HDAC9: variants seen among roughly 807,000 people sequenced by gnomAD.
The protein encoded by HDAC9 is histone deacetylase 9, also known as MEF-2 interacting transcription repressor (MITR) protein.
Under a neutral mutation model 139.4 loss-of-function variants are expected in HDAC9, and 41 were observed. The observed-to-expected ratio is 0.29, with a 90% CI of 0.23 to 0.38. The LOEUF is 0.38. Among genes scored for constraint, HDAC9 ranks in the 10% least tolerant of loss-of-function variants. The pLI, the probability that HDAC9 is intolerant of heterozygous loss-of-function variation, is 1.00. For synonymous variants in HDAC9, 517 were observed against 476.2 expected (o/e 1.09, Z -1.12); for missense variants, 1,147 against 1,297.0 (o/e 0.88, Z 1.78).
intron 17 of HDAC9, among the ~76,000 whole-genome samples, chr7:18,797,698 A>G (rs1792924690): frequency 6.6e-6 from 1 of 151,832 alleles, no homozygotes; most frequent in Non-Finnish European, 1.5e-5. Flanking sequence ...GTGTGTTGGC[A>G]GGCGCCTGTA....
intron 1 of HDAC9, among the ~76,000 whole-genome samples, chr7:18,306,617 T>C (rs1022174065): frequency 1.3e-5 from 2 of 152,208 alleles, no homozygotes; most frequent in Non-Finnish European, 2.9e-5. Flanking sequence ...GTGGTGCTAT[T>C]CGTGCTGCTG....
chr7:18,693,890 C>G (rs1782846023), intron 12 of HDAC9, among the ~76,000 whole-genome samples: 1 of 152,082 alleles, frequency 6.6e-6, no homozygotes, highest in Admixed American at 6.6e-5. Context: ...CAAACAGAAT[C>G]AAAGTGTAGT....
chr7:18,670,213 A>G (rs1436091652), intron 12 of HDAC9, among the ~76,000 whole-genome samples: 1 of 152,014 alleles, frequency 6.6e-6, no homozygotes, highest in African/African-American at 2.4e-5. Flanking sequence ...TGGAGATACA[A>G]AAGAAGGAGT....
intron 16 of HDAC9, among the ~76,000 whole-genome samples, chr7:18,775,441 G>A (rs745336786): frequency 6.6e-6 from 1 of 152,054 alleles, no homozygotes; most frequent in Non-Finnish European, 1.5e-5. Context: ...CTGACGATCT[G>A]TAAGCACTTC....
At chr7:18,626,213 A>T (rs1321499080) in intron 6 of HDAC9, among the ~76,000 whole-genome samples, 1 of 152,082 alleles carries the variant, frequency 6.6e-6, no homozygotes, top group Non-Finnish European at 1.5e-5. Flanking sequence ...TGGCTTCCAG[A>T]GGGAGATGAA....
intron 2 of HDAC9, among the ~76,000 whole-genome samples, chr7:18,523,568 C>T (rs1805770502): frequency 6.6e-6 from 1 of 152,166 alleles, no homozygotes; most frequent in Admixed American, 6.5e-5. Context: ...CAGAGCAAAA[C>T]AACCTTATAT....
intron 1 of HDAC9, among the ~76,000 whole-genome samples, chr7:18,143,453 A>G (rs146145211): frequency 3.9e-5 from 6 of 152,290 alleles, no homozygotes; most frequent in African/African-American, 1.4e-4. Context: ...TTACCATGTC[A>G]TGTTTTTAAG....
At chr7:18,569,158 C>A (rs1563315436) in intron 2 of HDAC9, among the ~76,000 whole-genome samples, 1 of 152,110 alleles carries the variant, frequency 6.6e-6, no homozygotes, top group African/African-American at 2.4e-5. Flanking sequence ...GATTTTGCAG[C>A]CTGTACTATC....
At chr7:18,666,134 T>C (rs1353728596) in intron 11 of HDAC9, 79 bp from the exon 12 acceptor site, 1 of 1,395,498 alleles carries the variant, frequency 7.2e-7, no homozygotes, top group East Asian at 2.3e-5. Flanking sequence ...GTATGAGTTA[T>C]TAGAAATCAA....
chr7:18,883,775 A>G (rs1237319264), intron 22 of HDAC9, among the ~76,000 whole-genome samples: 3 of 152,144 alleles, frequency 2.0e-5, no homozygotes, highest in African/African-American at 4.8e-5. Context: ...ACATGATTTT[A>G]TATATTGAAA....
chr7:18,397,240 TTTTG>T (rs1447255744), intron 1 of HDAC9, among the ~76,000 whole-genome samples: 1 of 152,020 alleles, frequency 6.6e-6, no homozygotes, highest in Non-Finnish European at 1.5e-5. Flanking sequence ...GTCATATAGT[TTTTG>T]TTTTTCAAAG....
intron 1 of HDAC9, among the ~76,000 whole-genome samples, chr7:18,096,487 A>G (rs146645713): frequency 1.1e-4 from 17 of 152,314 alleles, no homozygotes; most frequent in African/African-American, 2.4e-4. Context: ...GATCATCCCA[A>G]TGAAATCCCA....
chr7:18,975,330 A>G (rs547581289), intron 24 of HDAC9, among the ~76,000 whole-genome samples: 1 of 152,360 alleles, frequency 6.6e-6, no homozygotes, highest in East Asian at 1.9e-4. Context: ...TTGCCATTCA[A>G]TTCATGCTGG....
chr7:18,261,127 A>T (rs1795649400), intron 2 of HDAC9, among the ~76,000 whole-genome samples: 1 of 147,896 alleles, frequency 6.8e-6, no homozygotes, highest in African/African-American at 2.4e-5. Flanking sequence ...ACATAACGAA[A>T]CCATGTCTTT....
intron 1 of HDAC9, among the ~76,000 whole-genome samples, chr7:18,361,967 G>T (rs1448868583): frequency 6.6e-6 from 1 of 152,098 alleles, no homozygotes; most frequent in Admixed American, 6.5e-5. Flanking sequence ...GGAATTTCTT[G>T]GTTCAAGGAC....
rs755157895 is a variant in HDAC9, at chr7:18,578,235, C to A, written c.23-7046C>A. 4 of 519,002 alleles carry A rather than the reference C, an allele frequency of 7.7e-6. No homozygotes were observed. In the East Asian group the frequency reaches 2.2e-4, roughly 28 times the overall value. The allele number at this position is 519,002 out of a possible 1,614,324, so 32.1% of individuals were successfully genotyped here. A position where few individuals can be genotyped will look rare whatever the true frequency, so the allele number is the denominator to read the frequency against. On this transcript the variant is annotated intron_variant, in intron 2 of 25. Transcript: ENST00000686413. ...GCTGGGCTTCTTCTGAGCAGTAGTG[C>A]AGCCCTAATTCATTCTTCTCTTTTC...
intron 21 of HDAC9, among the ~76,000 whole-genome samples, chr7:18,848,906 G>T (rs925513206): frequency 6.6e-6 from 1 of 152,098 alleles, no homozygotes; most frequent in Admixed American, 6.5e-5. Flanking sequence ...GTTAACAACT[G>T]CAGGAATTCC....
At chr7:18,917,900 G>A (rs970126653) in intron 22 of HDAC9, among the ~76,000 whole-genome samples, 2 of 151,920 alleles carry the variant, frequency 1.3e-5, no homozygotes, top group Non-Finnish European at 2.9e-5. Context: ...ACGGCATATT[G>A]GGGCCCTGAT....
At chr7:18,393,672 C>T (rs986059614) in intron 1 of HDAC9, among the ~76,000 whole-genome samples, 3 of 152,096 alleles carry the variant, frequency 2.0e-5, no homozygotes, top group Non-Finnish European at 4.4e-5. Flanking sequence ...GGGAACCTCC[C>T]ATTTCCCATT....
Sources: allele counts gnomAD v4.1 joint callset (sites outside exome capture counted in the v4.1 genomes callset), GRCh38; gene constraint gnomAD v4.1.1; transcripts MANE v1.5; gene names NCBI Gene and HGNC (gene_info 2026-07-23, HGNC 2026-07-21).